Variants in SLC35F4 observed in about 807,000 individuals in gnomAD.
The protein encoded by SLC35F4 is solute carrier family 35 member F4.
SLC35F4 carries 24 observed loss-of-function variants against 44.2 expected under a neutral mutation model. The ratio of observed to expected loss-of-function variants is 0.54; its 90% CI spans 0.39 to 0.76. SLC35F4 has a LOEUF of 0.76. Ranked by LOEUF, SLC35F4 falls within the 30% of genes least tolerant of loss-of-function variation. The pLI, the probability that SLC35F4 is intolerant of heterozygous loss-of-function variation, is 0.00. For missense variants in SLC35F4, 562 were observed against 586.1 expected, an observed-to-expected ratio of 0.96 and a Z score of 0.42; for synonymous variants, 238 against 223.6, an observed-to-expected ratio of 1.06 and a Z score of -0.57.
chr14:57,638,933 C>A (rs970985399), intron 1 of SLC35F4, among the ~76,000 whole-genome samples: 1 of 152,036 alleles, frequency 6.6e-6, no homozygotes, highest in Non-Finnish European at 1.5e-5. Flanking sequence ...TGGAGAGAGA[C>A]CAAGTGTTCA....
intron 1 of SLC35F4, among the ~76,000 whole-genome samples, chr14:57,674,297 G>A (rs528766882): frequency 2.0e-5 from 3 of 152,216 alleles, no homozygotes; most frequent in African/African-American, 7.2e-5. Context: ...TTGGGAAAAG[G>A]TTTGTCAGTT....
At chr14:57,702,132 C>T (rs1280683675) in intron 1 of SLC35F4, among the ~76,000 whole-genome samples, 1 of 152,164 alleles carries the variant, frequency 6.6e-6, no homozygotes, top group African/African-American at 2.4e-5. Context: ...CAGCCACTGC[C>T]TGTCCCACCC....
intron 1 of SLC35F4, among the ~76,000 whole-genome samples, chr14:57,607,965 A>G (rs748814845): frequency 1.4e-4 from 21 of 152,212 alleles, no homozygotes; most frequent in African/African-American, 2.7e-4. Context: ...CTGAATTGAT[A>G]AAACACCATT....
intron 1 of SLC35F4, 55 bp downstream of exon 1, chr14:57,865,668 C>T (rs1888101875): frequency 6.9e-7 from 1 of 1,446,766 alleles, no homozygotes; most frequent in Admixed American, 2.2e-5. Flanking sequence ...CGCGGCACCC[C>T]TGCGCGCCCA....
At position 57,865,890 on chromosome 14, in the gene SLC35F4, T is replaced by C; in HGVS notation, c.-65A>G. 1 of 1,192,962 alleles carries C rather than the reference T, an allele frequency of 8.4e-7. No individual in the cohort carries two copies. Among genetic ancestry groups the C allele is most frequent in the South Asian group, 1.5e-5 (1 of 67,434 alleles). The allele number at this position is 1,192,962 out of a possible 1,614,324, so 73.9% of individuals were successfully genotyped here. On this transcript the variant is annotated 5_prime_UTR_variant, in exon 1 of 8. Transcript: ENST00000556826. ...AGAGCGCAGCGCGGGGCCCGGGAGCTGGTGCAGGTGCCGGAGCCGCTGGTG... is the reference window on the plus strand; with the variant it reads ...AGAGCGCAGCGCGGGGCCCGGGAGCCGGTGCAGGTGCCGGAGCCGCTGGTG...
chr14:57,611,700 C>T (rs552008923), intron 1 of SLC35F4, among the ~76,000 whole-genome samples: 120 of 152,164 alleles, frequency 7.9e-4, no homozygotes, highest in African/African-American at 2.7e-3. Context: ...AAGGACCTCC[C>T]AGGTGATTAA....
intron 1 of SLC35F4, among the ~76,000 whole-genome samples, chr14:57,969,537 T>G (rs1038144265): frequency 1.3e-5 from 2 of 152,220 alleles, no homozygotes; most frequent in Non-Finnish European, 2.9e-5. Flanking sequence ...AATCTGTCTA[T>G]TCTCTATACA....
At chr14:57,960,187 G>A (rs552213641) in intron 1 of SLC35F4, among the ~76,000 whole-genome samples, 1 of 152,340 alleles carries the variant, frequency 6.6e-6, no homozygotes, top group South Asian at 2.1e-4. Flanking sequence ...CTCTGAGGAA[G>A]CTGGTGATTG....
At chr14:57,746,908 C>T (rs1377723013) in intron 1 of SLC35F4, among the ~76,000 whole-genome samples, 1 of 152,082 alleles carries the variant, frequency 6.6e-6, no homozygotes, top group Non-Finnish European at 1.5e-5. Flanking sequence ...GGATTCAAGT[C>T]CATTAGTAAG....
Position 57,964,861 on chromosome 14 carries a change from T to C in SLC35F4, n.282+17052A>G, listed in dbSNP as rs563256794. 2.0e-5 allele frequency among the ~76,000 whole-genome samples: 3 copies of C among 152,000 alleles called. No individual in the cohort carries two copies. In the South Asian group the frequency reaches 6.2e-4, roughly 32 times the overall value. ...AGTTACTGTTTTTGGAGAAGGTCTTTGTATAAATATTCTTAGCACACATGT... is the reference window on the plus strand; with the variant it reads ...AGTTACTGTTTTTGGAGAAGGTCTTCGTATAAATATTCTTAGCACACATGT... On this transcript the variant is annotated intron_variant and non_coding_transcript_variant, in intron 1 of 1. Transcript: ENST00000556568.
chr14:57,928,676 G>T lies in SLC35F4; in HGVS notation n.282+53237C>A, dbSNP rs1050834454. Reference sequence around the variant, plus strand: ...TCCAGGTTTCAATAGGAAATCACTTGTCAAGAACCAGGAAGATCTCAAACT... The same window carrying T: ...TCCAGGTTTCAATAGGAAATCACTTTTCAAGAACCAGGAAGATCTCAAACT... On this transcript the variant is annotated intron_variant and non_coding_transcript_variant, in intron 1 of 1. Transcript: ENST00000556568. 1.1e-4 allele frequency among the ~76,000 whole-genome samples: 16 copies of T among 152,298 alleles called. No individual in the cohort carries two copies. The South Asian group carries it at 2.5e-3, about 24-fold the overall frequency.
chr14:57,711,185 T>C (rs1325075959), intron 1 of SLC35F4, among the ~76,000 whole-genome samples: 2 of 152,116 alleles, frequency 1.3e-5, no homozygotes, highest in African/African-American at 4.8e-5. Context: ...TGAGATGTGA[T>C]GGTTTTATAA....
At chr14:57,810,412 T>C (rs1721734357) in intron 1 of SLC35F4, among the ~76,000 whole-genome samples, 1 of 152,234 alleles carries the variant, frequency 6.6e-6, no homozygotes, top group South Asian at 2.1e-4. Context: ...TCCCTGTGGA[T>C]TTTCATAATT....
At chr14:57,745,133 G>C (rs1248534454) in intron 1 of SLC35F4, among the ~76,000 whole-genome samples, 1 of 152,092 alleles carries the variant, frequency 6.6e-6, no homozygotes, top group Non-Finnish European at 1.5e-5. Flanking sequence ...AAAAACCCTG[G>C]AAGAAAACCT....
At chr14:57,640,000 C>T (rs577188903) in intron 1 of SLC35F4, among the ~76,000 whole-genome samples, 1 of 151,992 alleles carries the variant, frequency 6.6e-6, no homozygotes. Context: ...AGACCTCCCC[C>T]TTTTTCTATA....
intron 1 of SLC35F4, among the ~76,000 whole-genome samples, chr14:57,758,341 ATTACT>A (rs1342814075): frequency 1.3e-5 from 2 of 152,004 alleles, no homozygotes; most frequent in East Asian, 3.9e-4. Flanking sequence ...GTAATACTCC[ATTACT>A]TTATTTTTTT....
At chr14:57,937,590 GAAAAGAAAAGAAAAGAAAA>G (rs1566505575) in intron 1 of SLC35F4, among the ~76,000 whole-genome samples, 1 of 14,344 alleles carries the variant, frequency 7.0e-5, no homozygotes, top group Non-Finnish European at 1.2e-4. Flanking sequence ...AGAAAAGAAA[GAAAAGAAAAGAAAAGAAAA>G]GAAAAGAAAA....
rs2141022826 is a variant in SLC35F4 at position 57,865,987 on chromosome 14, A to G, written c.-162T>C. ...CCCGGCGCAGCACCGGCTCCGCATC[A>G]CAGCGGCGGCGGCGGCGGCGGCGGC... On this transcript the variant is annotated 5_prime_UTR_variant, in exon 1 of 8. Transcript: ENST00000556826. 1 of 391,802 alleles carries G rather than the reference A, an allele frequency of 2.6e-6. No individual in the cohort carries two copies. The highest frequency in any genetic ancestry group is 2.2e-5 in the African/African-American group (1 of 45,294). The allele number at this position is 391,802 out of a possible 1,614,324, so 24.3% of individuals were successfully genotyped here.
intron 1 of SLC35F4, among the ~76,000 whole-genome samples, chr14:57,613,501 T>C (rs1490111070): frequency 6.6e-6 from 1 of 152,188 alleles, no homozygotes; most frequent in Non-Finnish European, 1.5e-5. Context: ...GGAGTCCCAG[T>C]TGTTCCAACG....
Sources: gnomAD v4.1 joint callset for allele counts (sites outside exome capture counted in the v4.1 genomes callset) on GRCh38, gnomAD v4.1.1 for gene constraint, MANE v1.5 for transcripts, NCBI Gene and HGNC (gene_info 2026-07-23, HGNC 2026-07-21) for gene names.